The following RTN4RL1 variants were observed in gnomAD, a reference collection of about 807,000 sequenced individuals.
RTN4RL1 encodes reticulon-4 receptor-like 1.
In RTN4RL1, 7 loss-of-function variants were observed where a neutral mutation model predicts 25.6. That is an observed-to-expected ratio of 0.27 (90% CI 0.16 to 0.51). The LOEUF is 0.51. Ranked by LOEUF, RTN4RL1 falls within the 20% of genes least tolerant of loss-of-function variation. The pLI is 0.97. For missense variants in RTN4RL1, 500 were observed against 615.6 expected (o/e 0.81, Z 1.99); for synonymous variants, 297 against 288.2 (o/e 1.03, Z -0.31).
intron 1 of RTN4RL1, among the ~76,000 whole-genome samples, chr17:2,002,510 T>A (rs958745395): frequency 2.0e-5 from 3 of 150,776 alleles, no homozygotes; most frequent in Non-Finnish European, 4.4e-5. Context: ...GCCAGGATGG[T>A]CTCAATCTCC....
rs553868973 is a variant in RTN4RL1, at chr17:1,969,309, G to A, written c.14-31501C>T. ...CCTGACCTTGTGATCCACCCGCCTCGGCCTCCCAAAGTGCTGGGATTACAG... is the reference window on the plus strand; with the variant it reads ...CCTGACCTTGTGATCCACCCGCCTCAGCCTCCCAAAGTGCTGGGATTACAG... On this transcript the variant is annotated intron_variant, in intron 1 of 1. Coordinates refer to ENST00000331238, the MANE Select transcript of RTN4RL1 (RefSeq NM_178568.4). 4.0e-4 allele frequency among the ~76,000 whole-genome samples: 61 copies of A among 151,810 alleles called. 1 individual carries two copies. The highest frequency in any genetic ancestry group is 1.3e-3 in the African/African-American group (53 of 41,380).
intron 1 of RTN4RL1, among the ~76,000 whole-genome samples, chr17:1,958,247 A>C (rs1217717760): frequency 6.6e-6 from 1 of 152,180 alleles, no homozygotes; most frequent in Non-Finnish European, 1.5e-5. Context: ...TGGTGGAGTC[A>C]AGATTCAAAC....
chr17:1,935,751 A>ATATATATATG lies in RTN4RL1; in HGVS notation c.*744_*745insCATATATATA, dbSNP rs1212314947. On this transcript the variant is annotated 3_prime_UTR_variant, in exon 2 of 2. Transcript: ENST00000331238. ...TATATATATATATATATATATATAT[A>ATATATATATG]TATGTAGAGTGTGAATATATATAAG... The ATATATATATG allele has an allele frequency of 3.0e-5, 9 of 297,002 alleles. No homozygotes were observed. Among genetic ancestry groups the ATATATATATG allele is most frequent in the African/African-American group, 2.3e-4 (9 of 39,590 alleles). 18.4% of individuals were successfully genotyped at this position (297,002 alleles called of 1,614,324 possible). A position where few individuals can be genotyped will look rare whatever the true frequency, so the allele number is the denominator to read the frequency against.
intron 1 of RTN4RL1, among the ~76,000 whole-genome samples, chr17:2,014,113 CT>C (rs1304107001): frequency 2.6e-5 from 4 of 152,158 alleles, no homozygotes; most frequent in African/African-American, 9.7e-5. Context: ...TTTCAGTAAC[CT>C]TTTGGGAGGG....
chr17:1,997,160 C>G (rs951206094), intron 1 of RTN4RL1, among the ~76,000 whole-genome samples: 6 of 152,234 alleles, frequency 3.9e-5, no homozygotes, highest in Non-Finnish European at 8.8e-5. Context: ...GCACTTAGAA[C>G]AAAATCCAAA....
chr17:2,025,196 C>A lies in RTN4RL1; in HGVS notation c.-331G>T, dbSNP rs537861006. On this transcript the variant is annotated 5_prime_UTR_variant, in exon 1 of 2. Transcript: ENST00000331238. The surrounding 1 kb of genome is among the most constrained non-coding windows in gnomAD (Gnocchi z 4.8). The stretch of plus-strand genomic sequence containing the variant: ...CAGGCGGTTTTGAGGGGGGACGCCG[C>A]CCCCTGGCCGGCCGGCCGCAGCCCC... The A allele has an allele frequency of 1.3e-4, 30 of 230,094 alleles. No homozygotes were observed. Among genetic ancestry groups the A allele is most frequent in the Non-Finnish European group, 1.9e-4 (23 of 118,362 alleles). The allele number at this position is 230,094 out of a possible 1,614,324, so 14.3% of individuals were successfully genotyped here. A position where few individuals can be genotyped will look rare whatever the true frequency, so the allele number is the denominator to read the frequency against.
chr17:2,009,697 C>T lies in RTN4RL1; in HGVS notation c.13+15156G>A, dbSNP rs753056240. On this transcript the variant is annotated intron_variant, in intron 1 of 1. Coordinates refer to ENST00000331238, the MANE Select transcript of RTN4RL1 (RefSeq NM_178568.4). ...GCTGAGAAAGAGAGGCATCTGACCCCGATGTAAAGGGGGATCCCCAGATCG... is the reference window on the plus strand; with the variant it reads ...GCTGAGAAAGAGAGGCATCTGACCCTGATGTAAAGGGGGATCCCCAGATCG... 2.4e-5 allele frequency among the ~76,000 whole-genome samples: 3 copies of T among 127,486 alleles called. No individual in the cohort carries two copies. The South Asian group carries it at 8.6e-4, about 37-fold the overall frequency. The allele number at this position is 127,486 out of a possible 152,430, so 83.6% of individuals were successfully genotyped here.
chr17:1,998,819 G>T lies in RTN4RL1; in HGVS notation c.13+26034C>A, dbSNP rs1567520538. Among the ~76,000 whole-genome samples, 3 of 151,990 alleles carry T rather than the reference G, an allele frequency of 2.0e-5. No homozygotes were observed. The highest frequency in any genetic ancestry group is 2.9e-5 in the Non-Finnish European group (2 of 68,004). On this transcript the variant is annotated intron_variant, in intron 1 of 1. Coordinates refer to ENST00000331238, the MANE Select transcript of RTN4RL1 (RefSeq NM_178568.4). This position sits in a 1 kb window ranked among gnomAD's most constrained non-coding sequence, Gnocchi z 4.9. ...GGGGCTCTGCGAGGGCCCTAAAAAC[G>T]CTGGGGACGCGGGTTTGACGCACTT...
At chr17:2,024,444 C>T (rs775916004) in intron 1 of RTN4RL1, among the ~76,000 whole-genome samples, 1 of 151,674 alleles carries the variant, frequency 6.6e-6, no homozygotes, top group Non-Finnish European at 1.5e-5. Flanking sequence ...GCTGGCTGCA[C>T]GGGGGCGCCG....
intron 1 of RTN4RL1, among the ~76,000 whole-genome samples, chr17:1,939,348 G>A (rs1042036937): frequency 2.5e-4 from 34 of 134,740 alleles, no homozygotes; most frequent in Non-Finnish European, 3.8e-4. Context: ...GCGAAACTCC[G>A]TCTCAATAAA....
At chr17:1,987,963 G>A (rs529779782) in intron 1 of RTN4RL1, among the ~76,000 whole-genome samples, 26 of 151,902 alleles carry the variant, frequency 1.7e-4, no homozygotes, top group Admixed American at 1.3e-4. Context: ...AAAATTAGCC[G>A]GGTGTGGTGG....
intron 1 of RTN4RL1, among the ~76,000 whole-genome samples, chr17:1,943,022 C>T (rs1001190122): frequency 6.6e-6 from 1 of 152,206 alleles, no homozygotes; most frequent in Non-Finnish European, 1.5e-5. Context: ...TGGGACCAGC[C>T]CTCACAGGGC....
intron 1 of RTN4RL1, among the ~76,000 whole-genome samples, chr17:1,961,952 A>G (rs1050769474): frequency 2.1e-5 from 3 of 140,520 alleles, no homozygotes; most frequent in African/African-American, 7.6e-5. Context: ...TGCCTCAAAA[A>G]AAAAAAAGAA....
intron 1 of RTN4RL1, among the ~76,000 whole-genome samples, chr17:2,024,271 G>A (rs923597912): frequency 3.9e-5 from 6 of 152,212 alleles, no homozygotes; most frequent in Admixed American, 2.6e-4. Context: ...GAAAGTTTGA[G>A]GAACTGGACA....
chr17:2,025,007 C>A lies in RTN4RL1; in HGVS notation c.-142G>T. 2.3e-6 allele frequency: 2 copies of A among 860,062 alleles called. No homozygotes were observed. Among genetic ancestry groups the A allele is most frequent in the Non-Finnish European group, 3.5e-6 (2 of 575,358 alleles). The allele number at this position is 860,062 out of a possible 1,614,324, so 53.3% of individuals were successfully genotyped here. On this transcript the variant is annotated 5_prime_UTR_variant, in exon 1 of 2. Coordinates refer to ENST00000331238, the MANE Select transcript of RTN4RL1 (RefSeq NM_178568.4). This position sits in a 1 kb window ranked among gnomAD's most constrained non-coding sequence, Gnocchi z 4.8. ...CCGGGGATCCGCTCGTGCCCGGTGGCCCGGCCCCGCAGGGGCATGGTGAGC... is the reference window on the plus strand; with the variant it reads ...CCGGGGATCCGCTCGTGCCCGGTGGACCGGCCCCGCAGGGGCATGGTGAGC...
At chr17:1,954,008 A>G in intron 1 of RTN4RL1, among the ~76,000 whole-genome samples, 1 of 152,256 alleles carries the variant, frequency 6.6e-6, no homozygotes, top group African/African-American at 2.4e-5. Flanking sequence ...GGCTAATGTC[A>G]GCTTGCCAGG....
intron 1 of RTN4RL1, among the ~76,000 whole-genome samples, chr17:1,964,460 T>C (rs1037073374): frequency 6.6e-6 from 1 of 151,910 alleles, no homozygotes; most frequent in South Asian, 2.1e-4. Flanking sequence ...AGGTCGGGTG[T>C]GGTGGCTCAC....
At chr17:1,971,778 T>C (rs537139047) in intron 1 of RTN4RL1, among the ~76,000 whole-genome samples, 271 of 151,816 alleles carry the variant, frequency 1.8e-3, no homozygotes, top group South Asian at 5.8e-3. Flanking sequence ...CTAGCTAACA[T>C]GGTGAAACCC....
Position 1,936,625 on chromosome 17 carries a change from C to T in RTN4RL1, c.1197G>A (p.Lys399=), listed in dbSNP as rs1372548189. The stretch of plus-strand genomic sequence containing the variant: ...TCCTGCGGGCACACTTGCCCTTCCT[C>T]TTGGGCCGGGCCGTAGGCATGATGT... The part of the protein sequence containing the change: ...SFDIMPTARP[K]RKGKCARRTP... Residue 399 remains lysine, a synonymous_variant, in exon 2 of 2, where the codon AAG becomes AAA. Coordinates refer to ENST00000331238, the MANE Select transcript of RTN4RL1 (RefSeq NM_178568.4). 2.5e-6 allele frequency: 4 copies of T among 1,596,038 alleles called. No homozygotes were observed. Among genetic ancestry groups the T allele is most frequent in the East Asian group, 4.5e-5 (2 of 44,490 alleles).
Sources: gnomAD v4.1 joint callset for allele counts (sites outside exome capture counted in the v4.1 genomes callset) on GRCh38, gnomAD v4.1.1 for gene constraint, Gnocchi (gnomAD v3.1) non-coding constraint, MANE v1.5 for transcripts, NCBI Gene and HGNC (gene_info 2026-07-23, HGNC 2026-07-21) for gene names.